The following PDE4B variants were observed in gnomAD, a reference collection of about 807,000 sequenced individuals.
PDE4B encodes 3',5'-cyclic-AMP phosphodiesterase 4B.
Under a neutral mutation model 82.2 loss-of-function variants are expected in PDE4B, and 20 were observed. The ratio of observed to expected loss-of-function variants is 0.24; its 90% CI spans 0.17 to 0.35. PDE4B has a LOEUF of 0.35. PDE4B is among the 10% of genes least tolerant of loss of function. The pLI, the probability that PDE4B is intolerant of heterozygous loss-of-function variation, is 1.00. For missense variants in PDE4B, 655 were observed against 907.2 expected (o/e 0.72, Z 3.57); for synonymous variants, 320 against 318.9 (o/e 1.00, Z -0.04).
chr1:66,328,253 AAAG>A (rs2101905493), intron 7 of PDE4B, among the ~76,000 whole-genome samples: 1 of 152,350 alleles, frequency 6.6e-6, no homozygotes, highest in African/African-American at 2.4e-5. Context: ...TGAAAGAGGG[AAAG>A]AAGAGAGCAA....
In PDE4B at chr1:65,818,683, C is replaced by CATAT. The variant is rs1471583640; in HGVS notation, c.-71+25436_-71+25437insTATA. On this transcript the variant is annotated intron_variant, in intron 1 of 16. Transcript: ENST00000341517. ...GCATACATATATATTCACACACACA[C>CATAT]ACATATATATATATATATATAAAAT... Among the ~76,000 whole-genome samples, 44 of 45,546 alleles carry CATAT rather than the reference C, an allele frequency of 9.7e-4. 1 individual carries two copies. Among genetic ancestry groups the CATAT allele is most frequent in the East Asian group, 2.9e-3 (4 of 1,390 alleles). The allele number at this position is 45,546 out of a possible 152,430, so 29.9% of individuals were successfully genotyped here. A position where few individuals can be genotyped will look rare whatever the true frequency, so the allele number is the denominator to read the frequency against.
intron 4 of PDE4B, among the ~76,000 whole-genome samples, chr1:66,249,278 G>A (rs1653567238): frequency 6.6e-6 from 1 of 152,190 alleles, no homozygotes; most frequent in Non-Finnish European, 1.5e-5. Context: ...GAAGACCGTA[G>A]GTCATGTGGT....
At chr1:66,256,246 CCAAA>C (rs1216896903) in intron 4 of PDE4B, among the ~76,000 whole-genome samples, 1 of 152,130 alleles carries the variant, frequency 6.6e-6, no homozygotes, top group Non-Finnish European at 1.5e-5. Flanking sequence ...ATTTTTGAAA[CCAAA>C]CAGTCTAAAT....
At chr1:65,873,684 T>C (rs1463728867) in intron 1 of PDE4B, among the ~76,000 whole-genome samples, 2 of 152,190 alleles carry the variant, frequency 1.3e-5, no homozygotes, top group Non-Finnish European at 1.5e-5. Context: ...GTTGAGTATA[T>C]GGAATGAACA....
intron 3 of PDE4B, among the ~76,000 whole-genome samples, chr1:66,217,468 C>T (rs1468475220): frequency 6.6e-6 from 1 of 152,070 alleles, no homozygotes; most frequent in Non-Finnish European, 1.5e-5. Flanking sequence ...AAGAGAGGTG[C>T]ACTGCCATCT....
intron 9 of PDE4B, 150 bp downstream of exon 9, chr1:66,355,770 A>G (rs1010530472): frequency 1.7e-5 from 9 of 516,052 alleles, no homozygotes; most frequent in African/African-American, 1.5e-4. Flanking sequence ...CAGTCTTCAA[A>G]AGAAAAAAAA....
chr1:66,187,684 C>T (rs955849573), intron 3 of PDE4B, among the ~76,000 whole-genome samples: 17 of 152,032 alleles, frequency 1.1e-4, no homozygotes, highest in African/African-American at 4.1e-4. Flanking sequence ...GTGATATCCC[C>T]TTTATCATTT....
intron 6 of PDE4B, among the ~76,000 whole-genome samples, chr1:66,259,078 A>G (rs1654479704): frequency 6.6e-6 from 1 of 152,206 alleles, no homozygotes; most frequent in Admixed American, 6.5e-5. Flanking sequence ...GTTTATATGT[A>G]GTGCAATGTA....
chr1:66,244,293 C>T lies in PDE4B; in HGVS notation c.282-3167C>T, dbSNP rs575167013. ...CTGCTAGTAATGATGTTGTTCTTTT[C>T]TCTATTGTCTACGTTTTATATAATA... On this transcript the variant is annotated intron_variant, in intron 3 of 16. Transcript: ENST00000341517. Among the ~76,000 whole-genome samples the T allele has an allele frequency of 2.2e-3, 335 of 152,140 alleles. 2 individuals carry two copies. Among genetic ancestry groups the T allele is most frequent in the Non-Finnish European group, 3.7e-3 (253 of 67,990 alleles).
At chr1:65,900,027 T>C (rs991626452) in intron 1 of PDE4B, among the ~76,000 whole-genome samples, 1 of 151,910 alleles carries the variant, frequency 6.6e-6, no homozygotes, top group Non-Finnish European at 1.5e-5. Flanking sequence ...CAATAACGTA[T>C]GGAAATAAAA....
chr1:66,226,790 G>T (rs933097297), intron 3 of PDE4B, among the ~76,000 whole-genome samples: 3 of 152,222 alleles, frequency 2.0e-5, no homozygotes, highest in Non-Finnish European at 2.9e-5. Context: ...GCATGATCTA[G>T]TTTATAGTTT....
chr1:66,209,052 C>A (rs902807098), intron 3 of PDE4B, among the ~76,000 whole-genome samples: 4 of 152,196 alleles, frequency 2.6e-5, no homozygotes, highest in African/African-American at 9.7e-5. Context: ...TAATATATGT[C>A]AGGATATGAA....
At chr1:65,954,024 A>T (rs1168991112) in intron 3 of PDE4B, among the ~76,000 whole-genome samples, 1 of 151,946 alleles carries the variant, frequency 6.6e-6, no homozygotes, top group Non-Finnish European at 1.5e-5. Context: ...TCAGCCTCCC[A>T]GGTAGCTGGG....
At chr1:66,080,542 G>C (rs1475182202) in intron 3 of PDE4B, among the ~76,000 whole-genome samples, 1 of 152,070 alleles carries the variant, frequency 6.6e-6, no homozygotes, top group Non-Finnish European at 1.5e-5. Context: ...GAAATAGCCT[G>C]AGTTTATAAT....
At chr1:66,262,717 C>A (rs1654774436) in intron 6 of PDE4B, among the ~76,000 whole-genome samples, 1 of 152,204 alleles carries the variant, frequency 6.6e-6, no homozygotes, top group Non-Finnish European at 1.5e-5. Flanking sequence ...TGAGCCTCTT[C>A]TTTGCACCAG....
chr1:66,021,603 G>A (rs548983591), intron 3 of PDE4B, among the ~76,000 whole-genome samples: 1 of 152,188 alleles, frequency 6.6e-6, no homozygotes, highest in East Asian at 1.9e-4. Flanking sequence ...TTTTTGTCAG[G>A]TTTGTCAAAG....
intron 7 of PDE4B, among the ~76,000 whole-genome samples, chr1:66,291,445 C>A (rs1657072681): frequency 6.6e-6 from 1 of 152,194 alleles, no homozygotes; most frequent in South Asian, 2.1e-4. Context: ...ATGTTGTCAC[C>A]TTTCTATAGA....
At chr1:66,186,104 A>G (rs574437335) in intron 3 of PDE4B, among the ~76,000 whole-genome samples, 4 of 152,234 alleles carry the variant, frequency 2.6e-5, no homozygotes. Flanking sequence ...TCCTTTCCCC[A>G]TTTCTTGTTT....
chr1:65,941,445 G>C (rs1212626345), intron 3 of PDE4B, among the ~76,000 whole-genome samples: 1 of 152,026 alleles, frequency 6.6e-6, no homozygotes, highest in Non-Finnish European at 1.5e-5. Context: ...GCATGACGAG[G>C]CCAGAGCAAG....
Sources: gnomAD v4.1 joint callset for allele counts (sites outside exome capture counted in the v4.1 genomes callset) on GRCh38, gnomAD v4.1.1 for gene constraint, MANE v1.5 for transcripts, NCBI Gene and HGNC (gene_info 2026-07-23, HGNC 2026-07-21) for gene names.